The following TRPC1 variants were observed in gnomAD, a reference collection of about 807,000 sequenced individuals.
TRPC1 encodes transient receptor potential cation channel subfamily C member 1, also known as short transient receptor potential channel 1.
In TRPC1, 42 loss-of-function variants were observed where a neutral mutation model predicts 88.2. The observed-to-expected ratio is 0.48, with a 90% confidence interval of 0.37 to 0.62. TRPC1 has a LOEUF of 0.62. Among genes scored for constraint, TRPC1 ranks in the 20% least tolerant of loss-of-function variants. TRPC1 has a pLI of 0.00. For missense variants in TRPC1, 699 were observed against 957.3 expected (o/e 0.73, Z 3.56); for synonymous variants, 288 against 331.8 (o/e 0.87, Z 1.43).
At chr3:142,777,878 C>T in intron 5 of TRPC1, 115 bp downstream of exon 5, 1 of 1,109,524 alleles carries the variant, frequency 9.0e-7, no homozygotes, top group Admixed American at 2.9e-5. Flanking sequence ...AACACTACAC[C>T]TTGTTGCCAC....
chr3:142,756,730 T>C (rs1934980597), intron 4 of TRPC1, among the ~76,000 whole-genome samples: 1 of 152,322 alleles, frequency 6.6e-6, no homozygotes, highest in African/African-American at 2.4e-5. Flanking sequence ...TCTTAGTCAT[T>C]TTAGCAGGAG....
At chr3:142,791,368 C>G (rs530485693) in intron 8 of TRPC1, among the ~76,000 whole-genome samples, 1 of 152,234 alleles carries the variant, frequency 6.6e-6, no homozygotes, top group South Asian at 2.1e-4. Context: ...TATTATATAA[C>G]AGGGACCATA....
intron 3 of TRPC1, among the ~76,000 whole-genome samples, chr3:142,744,875 A>C (rs1934486987): frequency 6.6e-6 from 1 of 152,236 alleles, no homozygotes; most frequent in Non-Finnish European, 1.5e-5. Context: ...CGATACCGTG[A>C]AACAAGCAGT....
chr3:142,780,322 CA>C (rs1221916734), intron 5 of TRPC1, among the ~76,000 whole-genome samples: 1 of 152,066 alleles, frequency 6.6e-6, no homozygotes, highest in African/African-American at 2.4e-5. Flanking sequence ...GAATTTCACT[CA>C]AATGAGCACT....
intron 9 of TRPC1, among the ~76,000 whole-genome samples, chr3:142,796,524 C>G (rs1223109245): frequency 6.6e-6 from 1 of 151,952 alleles, no homozygotes; most frequent in Non-Finnish European, 1.5e-5. Flanking sequence ...TCTCTCAGGT[C>G]CCACATGCTT....
intron 4 of TRPC1, among the ~76,000 whole-genome samples, chr3:142,748,666 CT>C (rs1934644039): frequency 6.6e-6 from 1 of 152,154 alleles, no homozygotes; most frequent in East Asian, 1.9e-4. Flanking sequence ...TGCAAAAATC[CT>C]TCAAATTATG....
chr3:142,753,512 T>A (rs1351167947), intron 4 of TRPC1, among the ~76,000 whole-genome samples: 1 of 152,078 alleles, frequency 6.6e-6, no homozygotes, highest in African/African-American at 2.4e-5. Flanking sequence ...ACGCCTGTAA[T>A]CCTAGCACTT....
At chr3:142,761,936 T>A (rs1433388652) in intron 4 of TRPC1, among the ~76,000 whole-genome samples, 1 of 152,128 alleles carries the variant, frequency 6.6e-6, no homozygotes, top group East Asian at 1.9e-4. Flanking sequence ...TCATTTCTTA[T>A]TTTTTTATTT....
rs1373582071 is a variant in TRPC1, at chr3:142,805,133, C to T, written c.2154+503C>T. Reference sequence around the variant, plus strand: ...ACAAACAAACAAATATATATATACACACACACACACACACACACACACACA... The same window carrying T: ...ACAAACAAACAAATATATATATACATACACACACACACACACACACACACA... On this transcript the variant is annotated intron_variant, in intron 12 of 12. Transcript: ENST00000476941. 6.4e-3 allele frequency among the ~76,000 whole-genome samples: 307 copies of T among 47,762 alleles called. 1 individual carries two copies. The highest frequency in any genetic ancestry group is 0.039 in the African/African-American group (251 of 6,412). 31.3% of individuals were successfully genotyped at this position (47,762 alleles called of 152,430 possible).
intron 4 of TRPC1, among the ~76,000 whole-genome samples, chr3:142,754,269 A>G (rs748262562): frequency 1.9e-4 from 29 of 152,082 alleles, no homozygotes; most frequent in Non-Finnish European, 3.7e-4. Flanking sequence ...TATTTGATGT[A>G]TTTTGAAACT....
At position 142,793,317 on chromosome 3, in the gene TRPC1, G is replaced by T. The variant is rs148600329; in HGVS notation, c.1581+350G>T. 1.6e-4 allele frequency among the ~76,000 whole-genome samples: 24 copies of T among 152,026 alleles called. No individual in the cohort carries two copies. The East Asian group carries it at 4.6e-3, about 29-fold the overall frequency. ...CACATTTAAAGTTTTAAATATTTTA[G>T]GTTATAAGTATAAAGGAGGACCTGT... On this transcript the variant is annotated intron_variant, in intron 9 of 12. Transcript: ENST00000476941.
At chr3:142,747,954 TAAAC>T (rs1934619359) in intron 3 of TRPC1, among the ~76,000 whole-genome samples, 1 of 152,174 alleles carries the variant, frequency 6.6e-6, no homozygotes, top group African/African-American at 2.4e-5. Context: ...TTGTGAAAAT[TAAAC>T]ACTTTTCCCT....
intron 3 of TRPC1, among the ~76,000 whole-genome samples, chr3:142,746,018 A>G (rs972107716): frequency 1.3e-5 from 2 of 152,098 alleles, no homozygotes; most frequent in African/African-American, 2.4e-5. Context: ...CGGCCTCCCA[A>G]AGTGCTGGGA....
chr3:142,746,262 A>G (rs1176454959), intron 3 of TRPC1, among the ~76,000 whole-genome samples: 1 of 152,016 alleles, frequency 6.6e-6, no homozygotes, highest in Non-Finnish European at 1.5e-5. Context: ...TTTCAAATTT[A>G]GGTTTTTTAT....
intron 12 of TRPC1, 141 bp from the exon 13 acceptor site, chr3:142,805,867 G>A (rs1936776910): frequency 3.2e-6 from 2 of 624,506 alleles, no homozygotes; most frequent in South Asian, 2.9e-5. Flanking sequence ...AACAAGTGTT[G>A]AATATTATAC....
At chr3:142,786,748 A>G (rs1246816612) in intron 7 of TRPC1, among the ~76,000 whole-genome samples, 2 of 152,312 alleles carry the variant, frequency 1.3e-5, no homozygotes, top group East Asian at 3.9e-4. Flanking sequence ...CCCTATATTC[A>G]TTTAAACTAT....
At chr3:142,797,038 T>A (rs979211702) in intron 9 of TRPC1, among the ~76,000 whole-genome samples, 6 of 151,790 alleles carry the variant, frequency 4.0e-5, no homozygotes, top group Non-Finnish European at 7.4e-5. Context: ...CCCTTCGCAC[T>A]GTAAAACATC....
At chr3:142,732,306 C>A (rs968569702) in intron 1 of TRPC1, among the ~76,000 whole-genome samples, 2 of 152,062 alleles carry the variant, frequency 1.3e-5, no homozygotes, top group African/African-American at 4.8e-5. Context: ...CAGGTGTTGG[C>A]TGGAACAAAA....
intron 1 of TRPC1, among the ~76,000 whole-genome samples, chr3:142,736,131 AAT>A (rs1345738222): frequency 1.3e-5 from 2 of 152,114 alleles, no homozygotes; most frequent in Admixed American, 6.6e-5. Context: ...ATTTTAAACT[AAT>A]AATTTTTATT....
Sources: allele counts gnomAD v4.1 joint callset (sites outside exome capture counted in the v4.1 genomes callset), GRCh38; gene constraint gnomAD v4.1.1; transcripts MANE v1.5; gene names NCBI Gene and HGNC (gene_info 2026-07-23, HGNC 2026-07-21).